GTPBP4: variants seen among roughly 807,000 people sequenced by gnomAD.
The protein encoded by GTPBP4 is GTP binding protein 4, also known as GTP-binding protein 4.
In GTPBP4, 15 loss-of-function variants were observed where a neutral mutation model predicts 81.7. The observed-to-expected ratio is 0.18, with a 90% CI of 0.12 to 0.28. The LOEUF is 0.28. GTPBP4 is among the 10% of genes least tolerant of loss of function. The pLI is 1.00. For missense variants in GTPBP4, 847 were observed against 793.8 expected, an observed-to-expected ratio of 1.07 and a Z score of -0.81; for synonymous variants, 272 against 274.6, an observed-to-expected ratio of 0.99 and a Z score of 0.09.
chr10:1,009,615 C>T (rs1831812953), intron 12 of GTPBP4, 35 bp downstream of exon 12: 1 of 1,190,562 alleles, frequency 8.4e-7, no homozygotes, highest in African/African-American at 1.5e-5. Context: ...TTATAAAATG[C>T]CAATTGGACG....
intron 8 of GTPBP4, among the ~76,000 whole-genome samples, chr10:1,005,138 G>T (rs1010312333): frequency 2.6e-5 from 4 of 151,746 alleles, no homozygotes; most frequent in Non-Finnish European, 5.9e-5. Flanking sequence ...TGTTTTTTTT[G>T]GTTTGTTTGT....
At chr10:1,008,154 T>C in intron 10 of GTPBP4, 1 of 454,464 alleles carries the variant, frequency 2.2e-6, no homozygotes, top group Non-Finnish European at 4.4e-6. Flanking sequence ...GGCTCACGTC[T>C]GTAATCCCAG....
intron 16 of GTPBP4, among the ~76,000 whole-genome samples, chr10:1,016,661 T>G (rs1045503004): frequency 5.9e-5 from 9 of 152,250 alleles, no homozygotes; most frequent in African/African-American, 2.2e-4. Context: ...TGTGCTAACC[T>G]TCTAGGTCTA....
chr10:1,015,071 A>G (rs2132175719), intron 15 of GTPBP4, among the ~76,000 whole-genome samples: 1 of 152,320 alleles, frequency 6.6e-6, no homozygotes, highest in South Asian at 2.1e-4. Flanking sequence ...TTATATCTGA[A>G]ATATAAATTG....
chr10:1,010,010 C>G lies in GTPBP4; in HGVS notation c.1244-410C>G, dbSNP rs995776840. 5.9e-5 allele frequency among the ~76,000 whole-genome samples: 9 copies of G among 152,240 alleles called. No homozygotes were observed. The East Asian group carries it at 1.5e-3, about 26-fold the overall frequency. ...ACTCTGTCTCAAAGAAAGGTGCATG[C>G]TGATAGCACTCAGTGGGGGTTCTTC... On this transcript the variant is annotated intron_variant, in intron 12 of 16. Coordinates refer to ENST00000360803, the MANE Select transcript of GTPBP4 (RefSeq NM_012341.3).
rs536980963 is a variant in GTPBP4 at position 1,008,780 on chromosome 10, A to C, written c.1114-178A>C. ...CCCCTAAAATAATCTGTTGGTTGTT[A>C]ATTGGTCTCGGTATGAACCCACTCC... On this transcript the variant is annotated intron_variant, in intron 10 of 16. Coordinates refer to ENST00000360803, the MANE Select transcript of GTPBP4 (RefSeq NM_012341.3). 4.4e-4 allele frequency: 274 copies of C among 616,686 alleles called. 2 individuals are homozygous for C. Among genetic ancestry groups the C allele is most frequent in the Non-Finnish European group, 7.4e-4 (248 of 334,850 alleles). 38.2% of individuals were successfully genotyped at this position (616,686 alleles called of 1,614,324 possible). A position where few individuals can be genotyped will look rare whatever the true frequency, so the allele number is the denominator to read the frequency against.
At chr10:998,951 C>G in intron 5 of GTPBP4, 52 bp from the exon 6 acceptor site, 1 of 955,846 alleles carries the variant, frequency 1.0e-6, no homozygotes, top group Non-Finnish European at 1.7e-6. Flanking sequence ...ACACAGATCC[C>G]ACGTGTACAC....
intron 6 of GTPBP4, among the ~76,000 whole-genome samples, chr10:999,890 CA>C: frequency 6.6e-6 from 1 of 152,306 alleles, no homozygotes; most frequent in South Asian, 2.1e-4. Flanking sequence ...ACCCAGAAGA[CA>C]GGGGTTGCAG....
At chr10:1,001,120 T>C (rs746796448) in intron 8 of GTPBP4, 107 bp downstream of exon 8, 1 of 723,110 alleles carries the variant, frequency 1.4e-6, no homozygotes, top group East Asian at 2.6e-5. Flanking sequence ...AGTCCACAAT[T>C]GTATTTTATA....
At chr10:1,007,925 T>TTACTTTTGTATTACAAAGTAA (rs1831776535) in intron 10 of GTPBP4, 1 of 517,782 alleles carries the variant, frequency 1.9e-6, no homozygotes, top group Non-Finnish European at 3.8e-6. Flanking sequence ...CGCTGATTTG[T>TTACTTTTGTATTACAAAGTAA]TACTTTTGTA....
intron 9 of GTPBP4, among the ~76,000 whole-genome samples, chr10:1,006,551 T>C (rs934343954): frequency 7.9e-5 from 12 of 152,182 alleles, no homozygotes; most frequent in Admixed American, 6.5e-4. Flanking sequence ...GGCAGGAGAA[T>C]CGTTTGAACC....
At chr10:1,005,138 GGTTT>G (rs111855177) in intron 8 of GTPBP4, among the ~76,000 whole-genome samples, 42 of 151,862 alleles carry the variant, frequency 2.8e-4, no homozygotes, top group East Asian at 1.7e-3. Flanking sequence ...TGTTTTTTTT[GGTTT>G]GTTTGTTTGT....
chr10:1,019,761 T>C lies in GTPBP4; in HGVS notation c.*2534T>C, dbSNP rs367884621. ...CACAAGCAGAAGGTAACAAATTTCA[T>C]GCTCTCCCCAAATTCTGTCTGATTT... On this transcript the variant is annotated 3_prime_UTR_variant, in exon 17 of 17. Transcript: ENST00000360803. 3.1e-6 allele frequency: 5 copies of C among 1,614,068 alleles called. No individual in the cohort carries two copies. Among genetic ancestry groups the C allele is most frequent in the Non-Finnish European group, 4.2e-6 (5 of 1,180,024 alleles).
At chr10:1,005,562 T>A (rs1831713843) in intron 8 of GTPBP4, among the ~76,000 whole-genome samples, 2 of 152,242 alleles carry the variant, frequency 1.3e-5, no homozygotes, top group Admixed American at 1.3e-4. Context: ...TAGTTGTTCG[T>A]TATTCTGATT....
intron 8 of GTPBP4, among the ~76,000 whole-genome samples, chr10:1,001,518 T>C (rs1456507080): frequency 2.6e-5 from 4 of 152,234 alleles, no homozygotes; most frequent in Non-Finnish European, 5.9e-5. Flanking sequence ...ACCTTTTTAA[T>C]AGGCATCCTT....
chr10:996,425 C>A, intron 4 of GTPBP4, 183 bp downstream of exon 4: 1 of 436,536 alleles, frequency 2.3e-6, no homozygotes, highest in Non-Finnish European at 4.0e-6. Flanking sequence ...ACTTACAAAT[C>A]AATAGCACTG....
In GTPBP4 at chr10:1,019,424, G is replaced by T; in HGVS notation, c.*2197G>T. On this transcript the variant is annotated 3_prime_UTR_variant, in exon 17 of 17. Coordinates refer to ENST00000360803, the MANE Select transcript of GTPBP4 (RefSeq NM_012341.3). ...TGATGGGCAATCAAGTGCCCCTTTT[G>T]CCCTGTTTTTTGGAGAGGGTGTATC... 1 of 960,678 alleles carries T rather than the reference G, an allele frequency of 1.0e-6. No homozygotes were observed. The highest frequency in any genetic ancestry group is 1.5e-6 in the Non-Finnish European group (1 of 654,196). The allele number at this position is 960,678 out of a possible 1,614,324, so 59.5% of individuals were successfully genotyped here. A position where few individuals can be genotyped will look rare whatever the true frequency, so the allele number is the denominator to read the frequency against.
At chr10:989,002 C>G (rs1419301437) in intron 1 of GTPBP4, 1 of 157,694 alleles carries the variant, frequency 6.3e-6, no homozygotes, top group Non-Finnish European at 1.4e-5. Context: ...TTCTCTTTCA[C>G]TGTTAGATTT....
In GTPBP4 at chr10:1,009,535, G is replaced by C; in HGVS notation, c.1198G>C (p.Asp400His). The C allele has an allele frequency of 6.2e-7, 1 of 1,602,318 alleles. No individual in the cohort carries two copies. Among genetic ancestry groups the C allele is most frequent in the South Asian group, 1.1e-5 (1 of 90,880 alleles). The change falls in exon 12 of 17, where the codon GAT becomes CAT. Residue 400 changes from aspartate to histidine, a missense_variant. Physicochemically the swap from Asp to His is moderately conservative, Grantham distance 81 (BLOSUM62 -1). This residue lies in a region of GTPBP4 where 600 missense variants were observed against 557.1 expected (regional missense o/e 1.08). Transcript: ENST00000360803. ...ATTTCTCTTTCTATTGCAGGAACGAGATCTTGAGCTGGAAATGGGAGATGA... is the reference window on the plus strand; with the variant it reads ...ATTTCTCTTTCTATTGCAGGAACGACATCTTGAGCTGGAAATGGGAGATGA... ...TEESRKKRER[D>H]LELEMGDDYI... is the part of the protein sequence containing the mutation.
Sources: gnomAD v4.1 joint callset for allele counts (sites outside exome capture counted in the v4.1 genomes callset) on GRCh38, gnomAD v4.1.1 for gene constraint, gnomAD v4.1.1 regional missense constraint, MANE v1.5 for transcripts, NCBI Gene and HGNC (gene_info 2026-07-23, HGNC 2026-07-21) for gene names.